The following DPP10 variants were observed in gnomAD, a reference collection of about 807,000 sequenced individuals.
The protein encoded by DPP10 is inactive dipeptidyl peptidase 10.
DPP10 carries 33 observed loss-of-function variants against 120.9 expected under a neutral mutation model. The ratio of observed to expected loss-of-function variants is 0.27; its 90% CI spans 0.21 to 0.37. DPP10 has a LOEUF of 0.37. DPP10 is among the 10% of genes least tolerant of loss of function. The pLI, the probability that DPP10 is intolerant of heterozygous loss-of-function variation, is 1.00. For missense variants in DPP10, 816 were observed against 942.8 expected (o/e 0.87, Z 1.76); for synonymous variants, 337 against 326.1 (o/e 1.03, Z -0.36).
chr2:115,439,379 G>GATGAAACA (rs2071809056), intron 3 of DPP10, among the ~76,000 whole-genome samples: 1 of 152,198 alleles, frequency 6.6e-6, no homozygotes, highest in Admixed American at 6.5e-5. Context: ...GATGAAACGT[G>GATGAAACA]TCAGGACATA....
At chr2:115,827,383 G>A (rs1395080143) in intron 21 of DPP10, among the ~76,000 whole-genome samples, 1 of 117,870 alleles carries the variant, frequency 8.5e-6, no homozygotes, top group Non-Finnish European at 1.7e-5. Context: ...ATCAGAGGAG[G>A]GCAACTGTGT....
intron 1 of DPP10, among the ~76,000 whole-genome samples, chr2:114,915,218 T>C (rs991591670): frequency 1.3e-5 from 2 of 152,200 alleles, no homozygotes; most frequent in African/African-American, 4.8e-5. Flanking sequence ...TATTCTTATT[T>C]CAGACAAAAC....
At chr2:115,802,111 G>T (rs994176783) in intron 19 of DPP10, among the ~76,000 whole-genome samples, 13 of 152,064 alleles carry the variant, frequency 8.5e-5, no homozygotes, top group Non-Finnish European at 1.8e-4. Flanking sequence ...CAATTTCGGA[G>T]CCTGTTATTG....
At chr2:115,121,703 G>A (rs1049735295) in intron 1 of DPP10, among the ~76,000 whole-genome samples, 1 of 152,202 alleles carries the variant, frequency 6.6e-6, no homozygotes, top group African/African-American at 2.4e-5. Flanking sequence ...ACAGCAACCT[G>A]GAGGGGGCTG....
At chr2:114,761,337 T>C (rs527993674) in intron 1 of DPP10, among the ~76,000 whole-genome samples, 1 of 152,370 alleles carries the variant, frequency 6.6e-6, no homozygotes, top group African/African-American at 2.4e-5. Context: ...CATATGTTTC[T>C]ATAAAGTCTG....
chr2:115,034,937 TC>T (rs1704121689), intron 1 of DPP10, among the ~76,000 whole-genome samples: 1 of 152,226 alleles, frequency 6.6e-6, no homozygotes, highest in Non-Finnish European at 1.5e-5. Context: ...TACAGAGTTA[TC>T]TTGCTAAAAC....
chr2:115,288,879 GGACTAA>G (rs2060519474), intron 1 of DPP10, among the ~76,000 whole-genome samples: 3 of 151,460 alleles, frequency 2.0e-5, no homozygotes, highest in Admixed American at 2.0e-4. Context: ...CTTAAGAACT[GGACTAA>G]GACAAGGATG....
intron 1 of DPP10, among the ~76,000 whole-genome samples, chr2:114,664,233 T>G (rs568999453): frequency 1.3e-5 from 2 of 152,050 alleles, no homozygotes; most frequent in South Asian, 4.2e-4. Flanking sequence ...CTTTCCCTTC[T>G]TCTCACTGAA....
Position 114,989,989 on chromosome 2 carries a change from C to T in DPP10, c.61-319250C>T, listed in dbSNP as rs115943050. Among the ~76,000 whole-genome samples the T allele has an allele frequency of 7.7e-3, 1,175 of 152,168 alleles. 11 individuals are homozygous for T. Among genetic ancestry groups the T allele is most frequent in the African/African-American group, 0.026 (1,097 of 41,518 alleles). Reference sequence around the variant, plus strand: ...GAAAGATTCAGTTTCCTTAACTTGCCATATATCTTTTATTACATTAGTGAT... The same window carrying T: ...GAAAGATTCAGTTTCCTTAACTTGCTATATATCTTTTATTACATTAGTGAT... On this transcript the variant is annotated intron_variant, in intron 1 of 25. Coordinates refer to ENST00000410059, the MANE Select transcript of DPP10 (RefSeq NM_020868.6).
intron 1 of DPP10, among the ~76,000 whole-genome samples, chr2:115,278,510 A>G (rs969233569): frequency 1.3e-5 from 2 of 152,098 alleles, no homozygotes; most frequent in Non-Finnish European, 2.9e-5. Flanking sequence ...TTTGGTGCTC[A>G]TGGTCCTGCA....
chr2:115,567,114 T>C (rs1018807540), intron 5 of DPP10, among the ~76,000 whole-genome samples: 1 of 152,126 alleles, frequency 6.6e-6, no homozygotes, highest in Admixed American at 6.5e-5. Context: ...CAAGTACTAT[T>C]TGGTGTCTTT....
Position 115,616,694 on chromosome 2 carries a change from A to G in DPP10, c.442-72993A>G, listed in dbSNP as rs574578002. Among the ~76,000 whole-genome samples, 20 of 152,258 alleles carry G rather than the reference A, an allele frequency of 1.3e-4. No individual in the cohort carries two copies. In the East Asian group the frequency reaches 3.9e-3, roughly 29 times the overall value. On this transcript the variant is annotated intron_variant, in intron 5 of 25. Coordinates refer to ENST00000410059, the MANE Select transcript of DPP10 (RefSeq NM_020868.6). Reference sequence around the variant, plus strand: ...GGTGCAGTAGTGCACCTTGTCTTTCAGAACAGCAATACTCTTCTGGTTGAC... The same window carrying G: ...GGTGCAGTAGTGCACCTTGTCTTTCGGAACAGCAATACTCTTCTGGTTGAC...
chr2:115,552,817 C>T (rs1035352705), intron 5 of DPP10, among the ~76,000 whole-genome samples: 5 of 151,978 alleles, frequency 3.3e-5, no homozygotes, highest in African/African-American at 1.2e-4. Flanking sequence ...TAACCAGAGA[C>T]ATAAGGCAGG....
At chr2:114,722,549 G>C (rs1489251698) in intron 1 of DPP10, among the ~76,000 whole-genome samples, 4 of 152,010 alleles carry the variant, frequency 2.6e-5, no homozygotes, top group Non-Finnish European at 5.9e-5. Flanking sequence ...GGCCGAGGCG[G>C]GTGGATCATG....
chr2:114,556,108 C>G (rs1430339204), intron 1 of DPP10, among the ~76,000 whole-genome samples: 1 of 151,596 alleles, frequency 6.6e-6, no homozygotes, highest in East Asian at 1.9e-4. Context: ...GTTGGTGGAG[C>G]ATCAACTTAG....
At chr2:115,026,746 A>T (rs1050802065) in intron 1 of DPP10, among the ~76,000 whole-genome samples, 2 of 152,212 alleles carry the variant, frequency 1.3e-5, no homozygotes, top group South Asian at 4.1e-4. Flanking sequence ...CATGTTGGCC[A>T]GGCTGCTCTC....
At chr2:115,737,805 T>C (rs1214212021) in intron 8 of DPP10, among the ~76,000 whole-genome samples, 1 of 152,200 alleles carries the variant, frequency 6.6e-6, no homozygotes, top group Non-Finnish European at 1.5e-5. Context: ...ACAAATTTTC[T>C]CTGACTTTAG....
intron 1 of DPP10, among the ~76,000 whole-genome samples, chr2:114,634,072 A>G (rs908347450): frequency 6.6e-6 from 1 of 151,960 alleles, no homozygotes; most frequent in Non-Finnish European, 1.5e-5. Context: ...CCCCACTAAA[A>G]TGTAGAGGTA....
intron 3 of DPP10, among the ~76,000 whole-genome samples, chr2:115,467,636 C>T (rs1004329105): frequency 3.3e-5 from 5 of 152,004 alleles, no homozygotes; most frequent in African/African-American, 1.2e-4. Context: ...CTCACTATTC[C>T]TGTGAGGTTG....
Sources: gnomAD v4.1 joint callset for allele counts (sites outside exome capture counted in the v4.1 genomes callset) on GRCh38, gnomAD v4.1.1 for gene constraint, MANE v1.5 for transcripts, NCBI Gene and HGNC (gene_info 2026-07-23, HGNC 2026-07-21) for gene names.